Variants in DLG2 observed in about 807,000 individuals in gnomAD.
DLG2 encodes discs large MAGUK scaffold protein 2, also known as disks large homolog 2.
A neutral mutation model predicts 132.5 loss-of-function variants in DLG2; 45 were observed. The ratio of observed to expected loss-of-function variants is 0.34; its 90% CI spans 0.27 to 0.44. The LOEUF (loss-of-function observed/expected upper bound fraction) is 0.44, where lower values mean the gene tolerates loss of function less well. Ranked by LOEUF, DLG2 falls within the 20% of genes least tolerant of loss-of-function variation. The pLI is 1.00. For synonymous variants in DLG2, 424 were observed against 419.6 expected (o/e 1.01, Z -0.13); for missense variants, 1,045 against 1,196.9 (o/e 0.87, Z 1.87).
intron 18 of DLG2, among the ~76,000 whole-genome samples, chr11:83,676,786 T>C (rs1346110230): frequency 6.6e-6 from 1 of 152,188 alleles, no homozygotes; most frequent in Non-Finnish European, 1.5e-5. Context: ...GTTACTGTCA[T>C]GGCTGAGAAG....
intron 11 of DLG2, among the ~76,000 whole-genome samples, chr11:84,031,011 T>TCAG (rs1473564546): frequency 6.6e-6 from 1 of 152,108 alleles, no homozygotes; most frequent in Non-Finnish European, 1.5e-5. Flanking sequence ...CATAGTTTTG[T>TCAG]CAGCAGGAGG....
intron 6 of DLG2, among the ~76,000 whole-genome samples, chr11:84,576,432 C>G (rs1218283921): frequency 6.6e-6 from 1 of 152,176 alleles, no homozygotes; most frequent in African/African-American, 2.4e-5. Flanking sequence ...AATTATGCTT[C>G]TAGGAATCAG....
chr11:83,919,387 C>A (rs1427475581), intron 15 of DLG2, among the ~76,000 whole-genome samples: 2 of 151,986 alleles, frequency 1.3e-5, no homozygotes, highest in Non-Finnish European at 2.9e-5. Context: ...TCTCTGAATA[C>A]CCAGCATTCA....
chr11:85,034,580 T>C (rs756960929), intron 6 of DLG2, among the ~76,000 whole-genome samples: 2 of 152,156 alleles, frequency 1.3e-5, no homozygotes, highest in Admixed American at 6.5e-5. Context: ...GAATTCCTTT[T>C]TTCTCCAGCA....
At chr11:83,746,583 G>T (rs564072056) in intron 18 of DLG2, among the ~76,000 whole-genome samples, 42 of 151,848 alleles carry the variant, frequency 2.8e-4, no homozygotes, top group East Asian at 7.7e-4. Flanking sequence ...GTTGTGGGGT[G>T]GGGGGAGCGG....
At chr11:85,627,583 T>A (rs531270615), upstream of DLG2, 1 of 152,174 alleles carries the variant, frequency 6.6e-6, no homozygotes, top group South Asian at 2.1e-4. Context: ...GTATTAGACA[T>A]GTAAGCATAA....
intron 5 of DLG2, among the ~76,000 whole-genome samples, chr11:85,143,333 T>C (rs2076620804): frequency 1.3e-5 from 2 of 151,712 alleles, no homozygotes; most frequent in African/African-American, 2.4e-5. Flanking sequence ...CTTTGGCATA[T>C]AGTTGTTGAT....
At chr11:84,596,909 G>A (rs2099561220) in intron 6 of DLG2, among the ~76,000 whole-genome samples, 3 of 152,130 alleles carry the variant, frequency 2.0e-5, no homozygotes, top group African/African-American at 7.2e-5. Flanking sequence ...AGGGGATTCA[G>A]CAATGATAAT....
chr11:84,920,325 G>C (rs1362803069), intron 6 of DLG2, among the ~76,000 whole-genome samples: 1 of 152,114 alleles, frequency 6.6e-6, no homozygotes, highest in Admixed American at 6.5e-5. Flanking sequence ...CCTTTACCCA[G>C]CATGCCTTCC....
At chr11:85,256,387 C>T (rs1388844562) in intron 4 of DLG2, among the ~76,000 whole-genome samples, 1 of 152,176 alleles carries the variant, frequency 6.6e-6, no homozygotes, top group Non-Finnish European at 1.5e-5. Context: ...CAGCCACCTC[C>T]ACCACTCAGT....
At chr11:83,929,184 A>C (rs1042577718) in intron 15 of DLG2, among the ~76,000 whole-genome samples, 1 of 152,206 alleles carries the variant, frequency 6.6e-6, no homozygotes, top group South Asian at 2.1e-4. Context: ...ACTCTCCTAG[A>C]GAGAACAGTA....
At chr11:84,540,087 C>T (rs1406112409) in intron 6 of DLG2, among the ~76,000 whole-genome samples, 2 of 151,988 alleles carry the variant, frequency 1.3e-5, no homozygotes, top group African/African-American at 4.8e-5. Flanking sequence ...CCATAAAAAC[C>T]CTAGAAGAAA....
intron 6 of DLG2, among the ~76,000 whole-genome samples, chr11:84,930,065 G>C (rs1408858644): frequency 6.6e-6 from 1 of 152,016 alleles, no homozygotes; most frequent in African/African-American, 2.4e-5. Flanking sequence ...AAGGACAATG[G>C]AATGGACATA....
chr11:84,859,417 TATACATATACATATATATGTATATATAC>T (rs1284646562), intron 6 of DLG2, among the ~76,000 whole-genome samples: 1 of 144,672 alleles, frequency 6.9e-6, no homozygotes, highest in Non-Finnish European at 1.5e-5. Flanking sequence ...CATATATATG[TATACATATACATATATATGTATATATAC>T]ATACATATAT....
At position 84,331,453 on chromosome 11, in the gene DLG2, A is replaced by T. The variant is rs980676704; in HGVS notation, c.520-80162T>A. Among the ~76,000 whole-genome samples, 494 of 142,290 alleles carry T rather than the reference A, an allele frequency of 3.5e-3. 1 individual carries two copies. The highest frequency in any genetic ancestry group is 1.0e-2 in the African/African-American group (381 of 38,120). The allele number at this position is 142,290 out of a possible 152,430, so 93.3% of individuals were successfully genotyped here. Reference sequence around the variant, plus strand: ...ATGTTACTTATCTCAAAAAAAAAAAAAAAAAAAATAAATAAATAAATAAAA... The same window carrying T: ...ATGTTACTTATCTCAAAAAAAAAAATAAAAAAAATAAATAAATAAATAAAA... On this transcript the variant is annotated intron_variant, in intron 7 of 27. Coordinates refer to ENST00000376104, the MANE Select transcript of DLG2 (RefSeq NM_001142699.3).
chr11:84,008,920 C>T (rs1183033763), intron 11 of DLG2, among the ~76,000 whole-genome samples: 3 of 146,198 alleles, frequency 2.1e-5, no homozygotes, highest in Non-Finnish European at 3.0e-5. Context: ...CAGATTTTTT[C>T]TTGTTTTTTT....
intron 3 of DLG2, among the ~76,000 whole-genome samples, chr11:85,337,933 G>C (rs1260199841): frequency 3.9e-5 from 6 of 152,160 alleles, no homozygotes; most frequent in Non-Finnish European, 7.4e-5. Flanking sequence ...AAATTCACTT[G>C]ACTAGTTAAA....
chr11:84,762,742 A>T (rs1413720848), intron 6 of DLG2, among the ~76,000 whole-genome samples: 1 of 152,138 alleles, frequency 6.6e-6, no homozygotes, highest in Non-Finnish European at 1.5e-5. Flanking sequence ...TACCAGTCAG[A>T]GAAGTAGGTG....
At chr11:84,928,633 T>C (rs919016417) in intron 6 of DLG2, among the ~76,000 whole-genome samples, 2 of 151,862 alleles carry the variant, frequency 1.3e-5, no homozygotes, top group African/African-American at 4.8e-5. Flanking sequence ...CCCTAGTATT[T>C]CCAGTCAGCC....
Sources: gnomAD v4.1 joint callset for allele counts (sites outside exome capture counted in the v4.1 genomes callset) on GRCh38, gnomAD v4.1.1 for gene constraint, MANE v1.5 for transcripts, NCBI Gene and HGNC (gene_info 2026-07-23, HGNC 2026-07-21) for gene names.